The following SERPING1 variants were observed in gnomAD, a reference collection of about 807,000 sequenced individuals.
SERPING1 encodes the protein serpin family G member 1.
SERPING1 carries 5 observed loss-of-function variants against 34.1 expected under a neutral mutation model. The observed-to-expected ratio is 0.15, with a 90% CI of 0.08 to 0.31. SERPING1 has a LOEUF of 0.31. SERPING1 is among the 10% of genes least tolerant of loss of function. The pLI, the probability that SERPING1 is intolerant of heterozygous loss-of-function variation, is 1.00. For synonymous variants in SERPING1, 225 were observed against 242.4 expected (o/e 0.93, Z 0.67); for missense variants, 505 against 609.5 (o/e 0.83, Z 1.81).
Position 57,598,293 on chromosome 11 carries a change from T to C in SERPING1, c.23T>C (p.Leu8Pro), listed in dbSNP as rs1309890814. The C allele has an allele frequency of 4.5e-6, 7 of 1,564,196 alleles. No individual in the cohort carries two copies. The highest frequency in any genetic ancestry group is 6.1e-6 in the Non-Finnish European group (7 of 1,154,628). The change falls in exon 2 of 8, where the codon CTG (leucine) becomes CCG (proline). Residue 8 changes from leucine to proline, a missense_variant. Transcript: ENST00000278407. ...CAGATGGCCTCCAGGCTGACCCTGC[T>C]GACCCTCCTGCTGCTGCTGCTGGCT... MASRLTLLTLLLLLLAGD... is the reference protein window; with the variant it reads MASRLTLPTLLLLLLAGD...
chr11:57,602,296 G>C (rs1945357346), intron 4 of SERPING1, 127 bp downstream of exon 4: 1 of 1,145,742 alleles, frequency 8.7e-7, no homozygotes, highest in Admixed American at 1.8e-5. Flanking sequence ...ATGGACTGCA[G>C]AGCAGGTGAA....
chr11:57,611,649 T>A, intron 6 of SERPING1, 68 bp from the exon 7 acceptor site: 6 of 1,406,572 alleles, frequency 4.3e-6, no homozygotes, highest in Non-Finnish European at 6.0e-6. Context: ...GACAGCATTG[T>A]GACAGAGGGT....
At chr11:57,609,741 T>A (rs1945458148) in intron 6 of SERPING1, among the ~76,000 whole-genome samples, 1 of 152,206 alleles carries the variant, frequency 6.6e-6, no homozygotes, top group Non-Finnish European at 1.5e-5. Flanking sequence ...AAATTTAATA[T>A]GCTCGATTTT....
At position 57,606,499 on chromosome 11, in the gene SERPING1, C is replaced by G; in HGVS notation, c.981C>G (p.Ser327Arg). ...TTATAAAAGTGCCCATGATGAATAGCAAGAAGTACCCTGTGGCCCATTTCA... is the reference window on the plus strand; with the variant it reads ...TTATAAAAGTGCCCATGATGAATAGGAAGAAGTACCCTGTGGCCCATTTCA... ...NSVIKVPMMNSKKYPVAHFID... is the reference protein window; with the variant it reads ...NSVIKVPMMNRKKYPVAHFID... The change falls in exon 6 of 8, where the codon AGC (serine) becomes AGG (arginine). Residue 327 changes from serine (S) to arginine (R), a missense_variant. Transcript: ENST00000278407. 1 of 1,614,154 alleles carries G rather than the reference C, an allele frequency of 6.2e-7. No individual in the cohort carries two copies. The highest frequency in any genetic ancestry group is 2.2e-5 in the East Asian group (1 of 44,884).
chr11:57,614,630 C>A lies in SERPING1; in HGVS notation c.*49C>A, dbSNP rs1057919. 8 of 1,597,118 alleles carry A rather than the reference C, an allele frequency of 5.0e-6. No homozygotes were observed. ...GAGCGCTACCTCTCCAGCCTCAGCT[C>A]TCAGTTGCAGCCCTGCTGCTGCCTG... On this transcript the variant is annotated 3_prime_UTR_variant, in exon 8 of 8. Transcript: ENST00000278407.
At position 57,614,597 on chromosome 11, in the gene SERPING1, G is replaced by A. The variant is rs1652287432; in HGVS notation, c.*16G>A. The A allele has an allele frequency of 6.2e-7, 1 of 1,611,706 alleles. No individual in the cohort carries two copies. ...CAGGGCCTGAGACCTGCAGGATCAG[G>A]TTAGGGCGAGCGCTACCTCTCCAGC... On this transcript the variant is annotated 3_prime_UTR_variant, in exon 8 of 8. Coordinates refer to ENST00000278407, the MANE Select transcript of SERPING1 (RefSeq NM_000062.3).
At chr11:57,598,110 G>A (rs999292918) in intron 1 of SERPING1, 139 bp from the exon 2 acceptor site, 9 of 611,836 alleles carry the variant, frequency 1.5e-5, no homozygotes, top group Non-Finnish European at 2.3e-5. Context: ...CCAGGGAGAA[G>A]GTGGCCCCAG....
At chr11:57,598,180 C>T in intron 1 of SERPING1, 69 bp from the exon 2 acceptor site, 2 of 1,250,464 alleles carry the variant, frequency 1.6e-6, no homozygotes, top group Non-Finnish European at 2.2e-6. Flanking sequence ...TGGGGGCGGG[C>T]CCCGGGCGGG....
chr11:57,605,320 A>G (rs1209966488), intron 4 of SERPING1, among the ~76,000 whole-genome samples: 2 of 149,952 alleles, frequency 1.3e-5, no homozygotes, highest in Non-Finnish European at 3.0e-5. Context: ...TTTTTTTGAG[A>G]CAGAATCTCG....
At chr11:57,599,816 A>G (rs1338461354) in intron 2 of SERPING1, 63 bp from the exon 3 acceptor site, 1 of 1,611,326 alleles carries the variant, frequency 6.2e-7, no homozygotes, top group Non-Finnish European at 8.5e-7. Flanking sequence ...TCCTGCTTTG[A>G]GTATTTTAGA....
rs905403865 is a variant in SERPING1, at chr11:57,601,575, C to T, written c.551-460C>T. 3.7e-4 allele frequency among the ~76,000 whole-genome samples: 56 copies of T among 152,078 alleles called. 1 individual carries two copies. The highest frequency in any genetic ancestry group is 1.3e-3 in the African/African-American group (55 of 41,508). On this transcript the variant is annotated intron_variant, in intron 3 of 7. Transcript: ENST00000278407. ...GAGCTATTACTCCCCAGAGAGAATT[C>T]TAAAAAGGCTACAGAATCTTTCTTG...
At chr11:57,604,087 G>T (rs542177594) in intron 4 of SERPING1, among the ~76,000 whole-genome samples, 1 of 148,002 alleles carries the variant, frequency 6.8e-6, no homozygotes, top group South Asian at 2.1e-4. Flanking sequence ...AGCTGAGATC[G>T]CACCACTGCA....
rs772375031 is a variant in SERPING1 at position 57,611,676 on chromosome 11, TGC to T, written c.1030-39_1030-38del. 5.1e-6 allele frequency: 8 copies of T among 1,568,892 alleles called. No individual in the cohort carries two copies. The African/African-American group carries it at 1.1e-4, about 21-fold the overall frequency. On this transcript the variant is annotated intron_variant, in intron 6 of 7. Coordinates refer to ENST00000278407, the MANE Select transcript of SERPING1 (RefSeq NM_000062.3). The stretch of plus-strand genomic sequence containing the variant: ...ACAGAGGGTGGGGCCAGGAGAGAGA[TGC>T]GGTAGGAAGACTGTTAAGATGCATC...
In SERPING1 at chr11:57,613,314, G is replaced by A. The variant is rs28362955; in HGVS notation, c.1250-1014G>A. Among the ~76,000 whole-genome samples the A allele has an allele frequency of 2.0e-5, 3 of 152,172 alleles. 1 individual carries two copies. Among genetic ancestry groups the A allele is most frequent in the African/African-American group, 7.2e-5 (3 of 41,514 alleles). ...CTACCTGGAAATAACATCAGATCCC[G>A]TGCAGTTTAAGTGCTCCGCCCCAGC... On this transcript the variant is annotated intron_variant, in intron 7 of 7. Coordinates refer to ENST00000278407, the MANE Select transcript of SERPING1 (RefSeq NM_000062.3).
Position 57,606,566 on chromosome 11 carries a change from C to T in SERPING1, c.1029+19C>T, listed in dbSNP as rs1945412567. The T allele has an allele frequency of 1.2e-6, 2 of 1,613,834 alleles. No homozygotes were observed. The highest frequency in any genetic ancestry group is 1.6e-4 in the Middle Eastern group (1 of 6,062). ...AGCCAAGGTAAGTTCTTAACCTTTCCTTCTCCTGTTTGAAACCTACTTGAG... is the reference window on the plus strand; with the variant it reads ...AGCCAAGGTAAGTTCTTAACCTTTCTTTCTCCTGTTTGAAACCTACTTGAG... On this transcript the variant is annotated intron_variant, in intron 6 of 7. Transcript: ENST00000278407.
intron 2 of SERPING1, among the ~76,000 whole-genome samples, chr11:57,599,654 G>A (rs1434988624): frequency 3.9e-5 from 6 of 152,158 alleles, no homozygotes; most frequent in Admixed American, 6.6e-5. Flanking sequence ...CTCATCTTCT[G>A]CAGAGCACAT....
At chr11:57,602,539 G>A (rs1035837995) in intron 4 of SERPING1, among the ~76,000 whole-genome samples, 1 of 150,466 alleles carries the variant, frequency 6.6e-6, no homozygotes, top group Admixed American at 6.6e-5. Context: ...GGTGGATCAC[G>A]AGGTCAGGGG....
intron 5 of SERPING1, 63 bp downstream of exon 5, chr11:57,606,276 A>G: frequency 1.2e-6 from 2 of 1,605,242 alleles, no homozygotes; most frequent in South Asian, 2.2e-5. Context: ...CCTGGCTTCA[A>G]AGCCCACTTA....
intron 4 of SERPING1, among the ~76,000 whole-genome samples, chr11:57,604,870 G>A (rs779625671): frequency 5.3e-5 from 8 of 151,804 alleles, no homozygotes; most frequent in Non-Finnish European, 1.2e-4. Flanking sequence ...TCCGGGTGTG[G>A]TACGTGTCTG....
Sources: allele counts gnomAD v4.1 joint callset (sites outside exome capture counted in the v4.1 genomes callset), GRCh38; gene constraint gnomAD v4.1.1; transcripts MANE v1.5; gene names NCBI Gene and HGNC (gene_info 2026-07-23, HGNC 2026-07-21).